The following CSMD3 variants were observed in gnomAD, a reference collection of about 807,000 sequenced individuals.
CSMD3 encodes the protein CUB and sushi domain-containing protein 3.
Under a neutral mutation model 435.2 loss-of-function variants are expected in CSMD3, and 177 were observed. The ratio of observed to expected loss-of-function variants is 0.41; its 90% CI spans 0.36 to 0.46. The LOEUF (loss-of-function observed/expected upper bound fraction) is 0.46, where lower values mean the gene tolerates loss of function less well. Among genes scored for constraint, CSMD3 ranks in the 20% least tolerant of loss-of-function variants. The pLI, the probability that CSMD3 is intolerant of heterozygous loss-of-function variation, is 0.34. For synonymous variants in CSMD3, 1,656 were observed against 1,520.5 expected, an observed-to-expected ratio of 1.09 and a Z score of -2.07; for missense variants, 4,265 against 4,504.6, an observed-to-expected ratio of 0.95 and a Z score of 1.52.
intron 17 of CSMD3, among the ~76,000 whole-genome samples, chr8:112,659,149 ACTGG>A (rs1326501653): frequency 0.016 from 2,433 of 152,260 alleles, 62 homozygotes; most frequent in African/African-American, 0.055. Context: ...AGCAACATTA[ACTGG>A]TGATATAAAG....
intron 1 of CSMD3, among the ~76,000 whole-genome samples, chr8:113,365,139 T>C (rs1588606373): frequency 6.6e-6 from 1 of 151,900 alleles, no homozygotes; most frequent in Admixed American, 6.6e-5. Flanking sequence ...TGAGCAAGAG[T>C]TTATGACTTT....
intron 1 of CSMD3, among the ~76,000 whole-genome samples, chr8:113,408,549 G>T (rs1190915337): frequency 1.3e-5 from 2 of 151,844 alleles, no homozygotes; most frequent in African/African-American, 4.8e-5. Flanking sequence ...GATATTGTCT[G>T]ATCTAAAAAG....
intron 5 of CSMD3, among the ~76,000 whole-genome samples, chr8:113,037,881 T>C (rs545191881): frequency 6.6e-6 from 1 of 152,286 alleles, no homozygotes; most frequent in East Asian, 1.9e-4. Context: ...TTGAAGATAA[T>C]ATAATAAAGG....
At chr8:112,758,132 A>G (rs1171840159) in intron 13 of CSMD3, among the ~76,000 whole-genome samples, 1 of 152,030 alleles carries the variant, frequency 6.6e-6, no homozygotes, top group Non-Finnish European at 1.5e-5. Flanking sequence ...AGGCGGGTGG[A>G]TCACAATGTC....
At chr8:113,223,617 G>GTATA (rs1422166217) in intron 3 of CSMD3, among the ~76,000 whole-genome samples, 1 of 128,440 alleles carries the variant, frequency 7.8e-6, no homozygotes, top group Non-Finnish European at 1.7e-5. Flanking sequence ...AACTTGTCAA[G>GTATA]TATACATATA....
At chr8:112,963,108 C>T (rs555352023) in intron 7 of CSMD3, among the ~76,000 whole-genome samples, 30 of 151,872 alleles carry the variant, frequency 2.0e-4, no homozygotes, top group Non-Finnish European at 3.4e-4. Context: ...AATTTTTATT[C>T]CACAGGATTC....
intron 5 of CSMD3, among the ~76,000 whole-genome samples, chr8:113,044,577 T>A (rs1428659222): frequency 2.7e-5 from 4 of 149,090 alleles, no homozygotes; most frequent in Non-Finnish European, 6.0e-5. Context: ...ATTTAGTCAT[T>A]TCCTTAAAAT....
intron 59 of CSMD3, among the ~76,000 whole-genome samples, chr8:112,278,552 A>G (rs1939267039): frequency 6.6e-6 from 1 of 152,072 alleles, no homozygotes; most frequent in African/African-American, 2.4e-5. Flanking sequence ...GTCTTACTCT[A>G]TGACTATTGG....
chr8:112,241,105 C>G (rs192027776), intron 66 of CSMD3, among the ~76,000 whole-genome samples: 6 of 152,136 alleles, frequency 3.9e-5, no homozygotes, highest in Non-Finnish European at 8.8e-5. Context: ...CTCTGCACTT[C>G]ATTTGCATGA....
intron 22 of CSMD3, among the ~76,000 whole-genome samples, chr8:112,609,201 CAA>C (rs71566035): frequency 2.3e-5 from 1 of 43,104 alleles, no homozygotes; most frequent in African/African-American, 9.5e-5. Context: ...GATACTGCCT[CAA>C]AAAAAAAAAA....
chr8:112,867,704 C>A (rs1587521255), intron 10 of CSMD3, among the ~76,000 whole-genome samples: 1 of 152,062 alleles, frequency 6.6e-6, no homozygotes, highest in Non-Finnish European at 1.5e-5. Context: ...GTAAAAATAT[C>A]ATACAAAAAA....
At chr8:113,196,562 G>A (rs2092658251) in intron 3 of CSMD3, among the ~76,000 whole-genome samples, 1 of 151,204 alleles carries the variant, frequency 6.6e-6, no homozygotes, top group Non-Finnish European at 1.5e-5. Context: ...AAGTTAAAGA[G>A]CATGACGAGG....
At chr8:113,332,738 G>A (rs1049894408) in intron 1 of CSMD3, among the ~76,000 whole-genome samples, 4 of 151,526 alleles carry the variant, frequency 2.6e-5, no homozygotes, top group Admixed American at 2.0e-4. Flanking sequence ...TTGCAAAATC[G>A]AATGTGGCTA....
intron 10 of CSMD3, among the ~76,000 whole-genome samples, chr8:112,870,162 G>A (rs1215983102): frequency 6.6e-6 from 1 of 151,622 alleles, no homozygotes; most frequent in Non-Finnish European, 1.5e-5. Context: ...GTAAACTTGT[G>A]TCATGGAGGC....
chr8:113,326,644 C>A (rs1456213889), intron 1 of CSMD3, among the ~76,000 whole-genome samples: 25 of 152,068 alleles, frequency 1.6e-4, no homozygotes, highest in Admixed American at 1.6e-3. Context: ...GTGTATGTCT[C>A]CTCATTTGGA....
intron 38 of CSMD3, among the ~76,000 whole-genome samples, chr8:112,357,855 A>G (rs1234080598): frequency 6.6e-6 from 1 of 152,178 alleles, no homozygotes; most frequent in Non-Finnish European, 1.5e-5. Flanking sequence ...GTAGTGTGGA[A>G]GGGAAATGTG....
chr8:112,225,083 C>T (rs1187423632), intron 70 of CSMD3, among the ~76,000 whole-genome samples, 153 bp from the exon 71 acceptor site: 2 of 152,032 alleles, frequency 1.3e-5, no homozygotes, highest in African/African-American at 4.8e-5. Flanking sequence ...GAACAATTTC[C>T]TTGTTACTTT....
chr8:112,274,481 T>C (rs949948578), intron 59 of CSMD3, among the ~76,000 whole-genome samples: 3 of 152,114 alleles, frequency 2.0e-5, no homozygotes, highest in Admixed American at 6.5e-5. Context: ...AGAGTCGACA[T>C]TGACAGAGAA....
chr8:113,060,673 T>C (rs1210299826), intron 5 of CSMD3, among the ~76,000 whole-genome samples: 1 of 152,162 alleles, frequency 6.6e-6, no homozygotes, highest in Non-Finnish European at 1.5e-5. Flanking sequence ...AAATATTAAG[T>C]TCATATTATG....
Sources: gnomAD v4.1 joint callset for allele counts (sites outside exome capture counted in the v4.1 genomes callset) on GRCh38, gnomAD v4.1.1 for gene constraint, MANE v1.5 for transcripts, NCBI Gene and HGNC (gene_info 2026-07-23, HGNC 2026-07-21) for gene names.